The following AGBL1 variants were observed in gnomAD, a reference collection of about 807,000 sequenced individuals.
AGBL1 encodes AGBL carboxypeptidase 1, also known as cytosolic carboxypeptidase 4.
Under a neutral mutation model 118.9 loss-of-function variants are expected in AGBL1, and 130 were observed. The observed-to-expected ratio is 1.09, with a 90% CI of 0.95 to 1.26. The LOEUF (loss-of-function observed/expected upper bound fraction) is 1.26. AGBL1 is among the 50% of genes most tolerant of loss of function. AGBL1 has a pLI of 0.00. For synonymous variants in AGBL1, 555 were observed against 478.9 expected, an observed-to-expected ratio of 1.16 and a Z score of -2.08; for missense variants, 1,584 against 1,298.1, an observed-to-expected ratio of 1.22 and a Z score of -3.38.
At chr15:86,648,297 G>A (rs548246753) in intron 21 of AGBL1, among the ~76,000 whole-genome samples, 1 of 152,158 alleles carries the variant, frequency 6.6e-6, no homozygotes, top group Admixed American at 6.5e-5. Context: ...GACTTCCTAT[G>A]TGGGGTGCTA....
intron 22 of AGBL1, among the ~76,000 whole-genome samples, chr15:86,757,167 A>C (rs183216135): frequency 9.2e-5 from 14 of 152,196 alleles, no homozygotes; most frequent in Admixed American, 2.0e-4. Context: ...TTAGATGCTG[A>C]CTTCTGAAGA....
chr15:86,539,415 C>T (rs971774024), intron 19 of AGBL1, among the ~76,000 whole-genome samples: 2 of 152,154 alleles, frequency 1.3e-5, no homozygotes, highest in African/African-American at 4.8e-5. Context: ...TTAAGCTAGG[C>T]CCTTCTCATC....
rs1183113904 is a variant in AGBL1 at position 86,625,389 on chromosome 15, T to G, written c.2995-48884T>G. ...CGTTTTTTTTTTTTTGTTTTTGTTT[T>G]TTTTTTTTTTTACAAACACAGAAAC... On this transcript the variant is annotated intron_variant, in intron 21 of 22. Transcript: ENST00000614907. Among the ~76,000 whole-genome samples the G allele has an allele frequency of 6.8e-4, 70 of 103,540 alleles. 2 individuals are homozygous for G. Among genetic ancestry groups the G allele is most frequent in the African/African-American group, 2.5e-3 (69 of 27,926 alleles). 67.9% of individuals were successfully genotyped at this position (103,540 alleles called of 152,430 possible). A position where few individuals can be genotyped will look rare whatever the true frequency, so the allele number is the denominator to read the frequency against.
intron 24 of AGBL1, among the ~76,000 whole-genome samples, chr15:87,024,182 A>T (rs2081699118): frequency 6.6e-6 from 1 of 152,060 alleles, no homozygotes. Context: ...ATAAAAGATA[A>T]ATGAAACAAA....
At chr15:86,138,497 A>G (rs746141965) in intron 1 of AGBL1, 1 of 152,238 alleles carries the variant, frequency 6.6e-6, no homozygotes, top group Non-Finnish European at 1.5e-5. Context: ...AGCCCTATGA[A>G]GGAAGGTTGT....
chr15:86,539,277 T>G (rs1389466653), intron 19 of AGBL1, among the ~76,000 whole-genome samples: 1 of 152,218 alleles, frequency 6.6e-6, no homozygotes, highest in Non-Finnish European at 1.5e-5. Context: ...TTACTTAATC[T>G]GGAAATCAAG....
intron 18 of AGBL1, among the ~76,000 whole-genome samples, chr15:86,486,597 C>T (rs1487811388): frequency 6.6e-5 from 10 of 152,148 alleles, no homozygotes; most frequent in Admixed American, 6.6e-4. Context: ...TAAAGAGATA[C>T]ATGCAGTAGT....
rs117993956 is a variant in AGBL1 at position 86,614,887 on chromosome 15, A to G, written c.2995-59386A>G. Among the ~76,000 whole-genome samples the G allele has an allele frequency of 6.6e-3, 1,005 of 152,340 alleles. 6 individuals carry two copies. The highest frequency in any genetic ancestry group is 9.9e-3 in the Non-Finnish European group (672 of 68,030). The stretch of plus-strand genomic sequence containing the variant: ...ACAATTAACAGTAACTTTATGGCCT[A>G]TTGGAGGCTTCTTTCTGAAGGTGAC... On this transcript the variant is annotated intron_variant, in intron 21 of 22. Transcript: ENST00000614907.
At chr15:86,761,386 G>A (rs1051202970) in intron 22 of AGBL1, among the ~76,000 whole-genome samples, 5 of 152,072 alleles carry the variant, frequency 3.3e-5, no homozygotes, top group Non-Finnish European at 7.4e-5. Flanking sequence ...AATTCATGCA[G>A]CTGAGACAAG....
chr15:86,877,234 A>C (rs759199341), intron 22 of AGBL1, among the ~76,000 whole-genome samples: 2 of 152,098 alleles, frequency 1.3e-5, no homozygotes, highest in Non-Finnish European at 2.9e-5. Context: ...GCTGCCACTC[A>C]ACAATGGACT....
chr15:86,463,862 G>A (rs374930321), intron 18 of AGBL1, among the ~76,000 whole-genome samples: 7 of 152,150 alleles, frequency 4.6e-5, no homozygotes, highest in African/African-American at 1.7e-4. Flanking sequence ...ATAGTTTGAA[G>A]TCAGGTAGCG....
rs2141603701 is a variant in AGBL1, at chr15:86,912,540, A to C, written c.*5246A>C. 1 of 152,232 alleles carries C rather than the reference A, an allele frequency of 6.6e-6. No individual in the cohort carries two copies. Among genetic ancestry groups the C allele is most frequent in the South Asian group, 2.1e-4 (1 of 4,824 alleles). The allele number at this position is 152,232 out of a possible 1,614,324, so 9.4% of individuals were successfully genotyped here. A position where few individuals can be genotyped will look rare whatever the true frequency, so the allele number is the denominator to read the frequency against. The stretch of plus-strand genomic sequence containing the variant: ...CCAGAAAGAGGATTCAGAGCCACCA[A>C]GAATATTTGAAATTAACCTGCTCCC... On this transcript the variant is annotated 3_prime_UTR_variant, in exon 23 of 23. Coordinates refer to ENST00000614907, the MANE Select transcript of AGBL1 (RefSeq NM_001386094.1).
At chr15:86,746,317 A>G (rs1415940878) in intron 22 of AGBL1, among the ~76,000 whole-genome samples, 1 of 152,128 alleles carries the variant, frequency 6.6e-6, no homozygotes, top group Non-Finnish European at 1.5e-5. Flanking sequence ...AACATGACAT[A>G]TGTCTCTTGC....
chr15:86,286,192 A>G (rs535614399), intron 16 of AGBL1, among the ~76,000 whole-genome samples: 207 of 151,954 alleles, frequency 1.4e-3, no homozygotes, highest in African/African-American at 4.8e-3. Context: ...GACAAATAAT[A>G]CTTGCTTATA....
At chr15:86,166,127 C>G (rs985191215) in intron 5 of AGBL1, among the ~76,000 whole-genome samples, 6 of 152,192 alleles carry the variant, frequency 3.9e-5, no homozygotes, top group Non-Finnish European at 8.8e-5. Context: ...CTGAACCAAG[C>G]CTTCTACCCT....
intron 6 of AGBL1, among the ~76,000 whole-genome samples, chr15:86,225,500 T>C (rs1158746517): frequency 6.6e-6 from 1 of 152,226 alleles, no homozygotes; most frequent in African/African-American, 2.4e-5. Context: ...AAAAGTTGAC[T>C]CTTTTCTCAG....
intron 23 of AGBL1, among the ~76,000 whole-genome samples, chr15:86,934,534 TA>T (rs5814265): frequency 3.6e-4 from 53 of 149,010 alleles, no homozygotes; most frequent in African/African-American, 9.6e-4. Context: ...TTATATAGGT[TA>T]AAAAAAAAAA....
intron 18 of AGBL1, among the ~76,000 whole-genome samples, chr15:86,410,625 G>A (rs2081593512): frequency 6.6e-6 from 1 of 150,594 alleles, no homozygotes; most frequent in Non-Finnish European, 1.5e-5. Flanking sequence ...TCCTTTTATT[G>A]TGTTCTGATG....
intron 18 of AGBL1, among the ~76,000 whole-genome samples, chr15:86,492,638 T>C (rs1239581454): frequency 6.7e-6 from 1 of 149,772 alleles, no homozygotes; most frequent in Non-Finnish European, 1.5e-5. Context: ...AACTGTAGGA[T>C]ATGCTAGGAC....
Sources: gnomAD v4.1 joint callset for allele counts (sites outside exome capture counted in the v4.1 genomes callset) on GRCh38, gnomAD v4.1.1 for gene constraint, MANE v1.5 for transcripts, NCBI Gene and HGNC (gene_info 2026-07-23, HGNC 2026-07-21) for gene names.